The following FOXP1 variants were observed in gnomAD, a reference collection of about 807,000 sequenced individuals.
The protein encoded by FOXP1 is forkhead box protein P1.
In FOXP1, 15 loss-of-function variants were observed where a neutral mutation model predicts 98.2. The ratio of observed to expected loss-of-function variants is 0.15; its 90% CI spans 0.10 to 0.24. FOXP1 has a LOEUF of 0.24. Among genes scored for constraint, FOXP1 ranks in the 10% least tolerant of loss-of-function variants. The probability of loss-of-function intolerance (pLI) is 1.00; values close to 1 mark genes in which losing one functional copy is unlikely to be tolerated. For synonymous variants in FOXP1, 371 were observed against 314.5 expected (o/e 1.18, Z -1.90); for missense variants, 633 against 848.5 (o/e 0.75, Z 3.15).
intron 2 of FOXP1, among the ~76,000 whole-genome samples, chr3:71,511,819 C>G (rs2042225267): frequency 6.6e-6 from 1 of 152,126 alleles, no homozygotes; most frequent in African/African-American, 2.4e-5. Flanking sequence ...TAAATATATT[C>G]ATGTGTAGAT....
chr3:71,127,174 G>A (rs2059269592), intron 6 of FOXP1, among the ~76,000 whole-genome samples: 1 of 152,126 alleles, frequency 6.6e-6, no homozygotes, highest in South Asian at 2.1e-4. Context: ...CTGTGCTTTA[G>A]AAACCCAGGA....
chr3:71,356,929 A>T (rs550289544), intron 4 of FOXP1, among the ~76,000 whole-genome samples: 1 of 152,332 alleles, frequency 6.6e-6, no homozygotes, highest in African/African-American at 2.4e-5. Flanking sequence ...AAAGTGGCTC[A>T]CAAGAATCAT....
At chr3:71,191,344 T>C (rs1438110420) in intron 6 of FOXP1, among the ~76,000 whole-genome samples, 1 of 152,172 alleles carries the variant, frequency 6.6e-6, no homozygotes, top group Non-Finnish European at 1.5e-5. Flanking sequence ...AGACAAGAGA[T>C]AGGGCGTTCT....
intron 7 of FOXP1, among the ~76,000 whole-genome samples, chr3:71,093,572 T>C (rs1163156662): frequency 6.7e-6 from 1 of 149,562 alleles, no homozygotes. Flanking sequence ...CATATTATAA[T>C]TCTCTGTTCA....
chr3:71,482,686 C>T (rs1279799509), intron 3 of FOXP1, among the ~76,000 whole-genome samples: 1 of 152,056 alleles, frequency 6.6e-6, no homozygotes, highest in Non-Finnish European at 1.5e-5. Flanking sequence ...AGGCGTCTGC[C>T]ACCACACCTG....
chr3:71,534,574 G>C (rs1391460888), intron 2 of FOXP1, among the ~76,000 whole-genome samples: 1 of 152,208 alleles, frequency 6.6e-6, no homozygotes, highest in Non-Finnish European at 1.5e-5. Flanking sequence ...CTTATAAGCA[G>C]TAATTAAACT....
intron 3 of FOXP1, among the ~76,000 whole-genome samples, chr3:71,454,561 G>A (rs2087271684): frequency 6.6e-6 from 1 of 152,088 alleles, no homozygotes; most frequent in Non-Finnish European, 1.5e-5. Flanking sequence ...CATTATCAAA[G>A]ATGCAGGGTC....
chr3:71,394,015 T>C (rs923995685), intron 3 of FOXP1, among the ~76,000 whole-genome samples: 6 of 152,246 alleles, frequency 3.9e-5, no homozygotes, highest in Middle Eastern at 3.4e-3. Context: ...CTTTGACACA[T>C]ACAAATGTCT....
In FOXP1 at chr3:71,008,645, A is replaced by G. The variant is rs370024830; in HGVS notation, c.974+6904T>C. On this transcript the variant is annotated intron_variant, in intron 12 of 20. Transcript: ENST00000649528. ...AGAAGAAACAGGGAAATAAATGCAT[A>G]CAATAGACTGGGTATCTGCTGATTC... Among the ~76,000 whole-genome samples, 92 of 152,328 alleles carry G rather than the reference A, an allele frequency of 6.0e-4. 2 individuals carry two copies. The South Asian group carries it at 0.019, about 31-fold the overall frequency.
chr3:71,338,778 T>C (rs1267848122), intron 4 of FOXP1, among the ~76,000 whole-genome samples: 2 of 152,152 alleles, frequency 1.3e-5, no homozygotes, highest in Admixed American at 1.3e-4. Flanking sequence ...AAAATAGGAC[T>C]ACAGAACTTG....
intron 7 of FOXP1, among the ~76,000 whole-genome samples, chr3:71,099,490 C>G (rs549716559): frequency 6.6e-6 from 1 of 152,002 alleles, no homozygotes; most frequent in Non-Finnish European, 1.5e-5. Context: ...CCAGCCTGGG[C>G]GACAGATCGA....
At chr3:71,507,060 G>A (rs984751472) in intron 2 of FOXP1, among the ~76,000 whole-genome samples, 3 of 152,086 alleles carry the variant, frequency 2.0e-5, no homozygotes, top group African/African-American at 4.8e-5. Flanking sequence ...CAGTGTCCCC[G>A]GCTGCTCTCT....
At chr3:71,124,643 CA>C (rs551926974) in intron 6 of FOXP1, among the ~76,000 whole-genome samples, 78 of 121,478 alleles carry the variant, frequency 6.4e-4, no homozygotes, top group Admixed American at 1.1e-3. Context: ...AACTGTGTGT[CA>C]AAAAAAAAAA....
At chr3:71,503,722 C>T (rs972975408) in intron 2 of FOXP1, among the ~76,000 whole-genome samples, 24 of 151,866 alleles carry the variant, frequency 1.6e-4, no homozygotes, top group Middle Eastern at 3.4e-3. Context: ...GGGAGAATGG[C>T]AGAAGACACA....
At chr3:71,205,709 C>T (rs971297724) in intron 5 of FOXP1, among the ~76,000 whole-genome samples, 5 of 152,126 alleles carry the variant, frequency 3.3e-5, no homozygotes, top group Non-Finnish European at 5.9e-5. Flanking sequence ...GTCCAAACGG[C>T]GCCACTGACC....
intron 3 of FOXP1, among the ~76,000 whole-genome samples, chr3:71,368,898 C>G (rs1034934657): frequency 6.6e-6 from 1 of 152,114 alleles, no homozygotes; most frequent in Non-Finnish European, 1.5e-5. Context: ...AAACATATAC[C>G]TTATTATGTA....
chr3:71,142,010 T>C (rs2060094668), intron 6 of FOXP1, among the ~76,000 whole-genome samples: 1 of 152,204 alleles, frequency 6.6e-6, no homozygotes, highest in Non-Finnish European at 1.5e-5. Context: ...TGAAACAGAA[T>C]TGTGTTGTTC....
intron 3 of FOXP1, among the ~76,000 whole-genome samples, chr3:71,489,017 A>G (rs1431162398): frequency 6.6e-6 from 1 of 152,228 alleles, no homozygotes; most frequent in African/African-American, 2.4e-5. Context: ...GCTGCAGCAC[A>G]TGGCAGACCA....
At chr3:71,493,933 C>T (rs1337068241) in intron 2 of FOXP1, among the ~76,000 whole-genome samples, 1 of 151,270 alleles carries the variant, frequency 6.6e-6, no homozygotes, top group Non-Finnish European at 1.5e-5. Flanking sequence ...TGATCTTTTT[C>T]GAAGAACAAA....
Sources: allele counts gnomAD v4.1 joint callset (sites outside exome capture counted in the v4.1 genomes callset), GRCh38; gene constraint gnomAD v4.1.1; transcripts MANE v1.5; gene names NCBI Gene and HGNC (gene_info 2026-07-23, HGNC 2026-07-21).